WASHC2A: variants seen among roughly 807,000 people sequenced by gnomAD.
WASHC2A encodes the protein WASH complex subunit FAM21A.
WASHC2A carries 82 observed loss-of-function variants against 140.3 expected under a neutral mutation model. The observed-to-expected ratio is 0.58, with a 90% CI of 0.49 to 0.70. The LOEUF (loss-of-function observed/expected upper bound fraction) is 0.70. Among genes scored for constraint, WASHC2A ranks in the 30% least tolerant of loss-of-function variants. WASHC2A has a pLI of 0.00. For synonymous variants in WASHC2A, 340 were observed against 560.8 expected, an observed-to-expected ratio of 0.61 and a Z score of 5.56; for missense variants, 985 against 1,521.8, an observed-to-expected ratio of 0.65 and a Z score of 5.87.
intron 17 of WASHC2A, among the ~76,000 whole-genome samples, chr10:50,102,909 T>C (rs1459597128): frequency 1.1e-3 from 172 of 151,794 alleles, no homozygotes; most frequent in African/African-American, 3.9e-3. Context: ...TCTTTTTGCC[T>C]AGGCTGGAGT....
chr10:50,125,339 G>T (rs1348037258), intron 24 of WASHC2A, 30 bp from the exon 25 acceptor site: 6 of 1,598,854 alleles, frequency 3.8e-6, no homozygotes, highest in Non-Finnish European at 4.3e-6. Context: ...TTTGCTTTTG[G>T]ATATTGAACT....
In WASHC2A at chr10:50,110,221, C is replaced by T. The variant is rs1431284886; in HGVS notation, c.1990C>T (p.Leu664Phe). Residue 664 changes from leucine to phenylalanine, a missense_variant, in exon 20 of 31, where the codon CTC (leucine) becomes TTC (phenylalanine). Transcript: ENST00000282633. ...QEAKAVKKTS[L>F]FEEDEEDDLF... ...GGCCAAGGCTGTGAAAAAGACCAGT[C>T]TCTTTGAGGAAGACGAAGAAGATGA... 1.5e-5 allele frequency: 24 copies of T among 1,611,752 alleles called. No homozygotes were observed. Among genetic ancestry groups the T allele is most frequent in the African/African-American group, 1.3e-5 (1 of 74,802 alleles).
At chr10:50,121,894 G>T (rs1554893550) in intron 23 of WASHC2A, among the ~76,000 whole-genome samples, 2 of 146,504 alleles carry the variant, frequency 1.4e-5, no homozygotes, top group African/African-American at 2.7e-5. Flanking sequence ...CGTGTTTATG[G>T]ACCAGAAACC....
intron 20 of WASHC2A, chr10:50,112,090 C>T (rs1295923586): frequency 2.6e-5 from 26 of 985,054 alleles, no homozygotes; most frequent in Admixed American, 6.2e-5. Context: ...GAGTCGAGGG[C>T]GGTCATGGCT....
chr10:50,075,367 T>G (rs1838223879), intron 3 of WASHC2A, among the ~76,000 whole-genome samples: 1 of 151,328 alleles, frequency 6.6e-6, no homozygotes, highest in Admixed American at 6.6e-5. Flanking sequence ...TCCTTAACTC[T>G]AATCATTTTG....
chr10:50,094,348 A>G (rs377336453), intron 13 of WASHC2A, among the ~76,000 whole-genome samples: 10,144 of 143,732 alleles, frequency 0.071, 491 homozygotes, highest in African/African-American at 0.19. Flanking sequence ...TTTAGTAGAG[A>G]CAGGGTTTCA....
chr10:50,100,114 T>G, intron 17 of WASHC2A, 50 bp downstream of exon 17: 1 of 1,461,956 alleles, frequency 6.8e-7, no homozygotes, highest in East Asian at 2.3e-5. Context: ...GGATATGACA[T>G]AGAAACTATT....
rs1277275167 is a variant in WASHC2A at position 50,121,129 on chromosome 10, G to C, written c.2478+1360G>C. 2.3e-4 allele frequency among the ~76,000 whole-genome samples: 34 copies of C among 149,856 alleles called. 3 individuals are homozygous for C. Among genetic ancestry groups the C allele is most frequent in the African/African-American group, 8.7e-4 (34 of 39,302 alleles). On this transcript the variant is annotated intron_variant, in intron 23 of 30. Transcript: ENST00000282633. ...GGTAATTCTAATCAACCTTGTACTG[G>C]GGATTCTAAGCAGGCCATGTAGGTG...
rs1220695557 is a variant in WASHC2A at position 50,078,350 on chromosome 10, A to G, written c.292-325A>G. Among the ~76,000 whole-genome samples, 477 of 152,336 alleles carry G rather than the reference A, an allele frequency of 3.1e-3. 7 individuals carry two copies. Among genetic ancestry groups the G allele is most frequent in the Non-Finnish European group, 2.4e-3 (165 of 68,034 alleles). On this transcript the variant is annotated intron_variant, in intron 3 of 30. Transcript: ENST00000282633. ...CAGAATACTGTATCATTGCCCATCA[A>G]CATTATTAGGTTAAATGAAAAGGTG...
chr10:50,068,120 C>G lies in WASHC2A; in HGVS notation c.19C>G (p.Pro7Ala), dbSNP rs781842191. 13 of 1,606,092 alleles carry G rather than the reference C, an allele frequency of 8.1e-6. No homozygotes were observed. The East Asian group carries it at 2.7e-4, about 33-fold the overall frequency. The change falls in exon 2 of 31, where the codon CCC (proline) becomes GCC (alanine). Residue 7 changes from proline (P) to alanine (A), a missense_variant. Transcript: ENST00000282633. MMNRTT[P>A]DQELAPASEP... ...TTCGCTGCAGATGAACCGGACGACCCCCGACCAGGAGCTGGCGCCAGCGTC... is the reference window on the plus strand; with the variant it reads ...TTCGCTGCAGATGAACCGGACGACCGCCGACCAGGAGCTGGCGCCAGCGTC...
chr10:50,124,551 G>A lies in WASHC2A; in HGVS notation c.2479-562G>A, dbSNP rs180969051. ...CTAGTAAACAAAAAGGGACTCACTC[G>A]GAGTCTGAAAGTAGGGCAGAAGTGA... On this transcript the variant is annotated intron_variant, in intron 23 of 30. Transcript: ENST00000282633. Among the ~76,000 whole-genome samples the A allele has an allele frequency of 4.3e-3, 648 of 152,302 alleles. 4 individuals are homozygous for A. The highest frequency in any genetic ancestry group is 0.014 in the African/African-American group (572 of 41,562).
At chr10:50,092,022 AGTGCTCTG>A (rs1373643841) in intron 10 of WASHC2A, 132 bp from the exon 11 acceptor site, 1 of 1,587,610 alleles carries the variant, frequency 6.3e-7, no homozygotes, top group Admixed American at 1.8e-5. Context: ...CAGGGGGTTC[AGTGCTCTG>A]GTGCAGCTGA....
At position 50,075,108 on chromosome 10, in the gene WASHC2A, A is replaced by G. The variant is rs1838194059; in HGVS notation, c.292-3567A>G. 4.6e-5 allele frequency among the ~76,000 whole-genome samples: 7 copies of G among 151,806 alleles called. No individual in the cohort carries two copies. In the South Asian group the frequency reaches 1.5e-3, roughly 32 times the overall value. ...CAGCCTACTTTTTTTCTTAATGTGA[A>G]CTTATTTAACCCATCTTTGAGACTT... is the stretch of plus-strand genomic sequence containing the variant. On this transcript the variant is annotated intron_variant, in intron 3 of 30. Transcript: ENST00000282633.
intron 3 of WASHC2A, 129 bp from the exon 4 acceptor site, chr10:50,078,546 T>C: frequency 1.9e-6 from 3 of 1,597,400 alleles, no homozygotes; most frequent in South Asian, 2.2e-5. Flanking sequence ...CTGGTAGTGG[T>C]CTCAGCCCTT....
At chr10:50,074,776 C>T (rs1394980631) in intron 3 of WASHC2A, among the ~76,000 whole-genome samples, 3 of 152,016 alleles carry the variant, frequency 2.0e-5, no homozygotes, top group Admixed American at 1.3e-4. Flanking sequence ...ATTAGCCAGG[C>T]GTGGTGGCAG....
At chr10:50,108,944 A>G (rs1320234145) in intron 19 of WASHC2A, among the ~76,000 whole-genome samples, 10 of 150,652 alleles carry the variant, frequency 6.6e-5, no homozygotes, top group African/African-American at 2.4e-4. Flanking sequence ...AGTGGATCCC[A>G]GCTCCAGAGA....
At position 50,129,528 on chromosome 10, in the gene WASHC2A, T is replaced by C. The variant is rs762476182; in HGVS notation, c.3197T>C (p.Ile1066Thr). The C allele has an allele frequency of 1.1e-5, 17 of 1,611,836 alleles. No homozygotes were observed. The African/African-American group carries it at 1.9e-4, about 18-fold the overall frequency. The change falls in exon 29 of 31, where the codon ATT becomes ACT. Residue 1066 changes from isoleucine to threonine, a missense_variant. Ile to Thr is a moderately conservative substitution (Grantham distance 89). Coordinates refer to ENST00000282633, the MANE Select transcript of WASHC2A (RefSeq NM_001005751.3). ...GACATGAGCGTCCCCAGAGGACCCA[T>C]TGCACAGTGGGCTGATGGCGCCATT... Reference protein sequence around the residue: ...TEDMSVPRGPIAQWADGAISP... With the variant: ...TEDMSVPRGPTAQWADGAISP...
chr10:50,132,654 C>G, intron 30 of WASHC2A, 152 bp from the exon 31 acceptor site: 5 of 1,255,676 alleles, frequency 4.0e-6, no homozygotes, highest in Non-Finnish European at 5.7e-6. Context: ...AAACACAGAA[C>G]CAGAATCTAA....
Position 50,083,077 on chromosome 10 carries a change from C to A in WASHC2A, c.529-995C>A, listed in dbSNP as rs1839053867. Among the ~76,000 whole-genome samples, 8 of 114,664 alleles carry A rather than the reference C, an allele frequency of 7.0e-5. 3 individuals carry two copies. In the South Asian group the frequency reaches 2.4e-3, roughly 35 times the overall value. 75.2% of individuals were successfully genotyped at this position (114,664 alleles called of 152,430 possible). A position where few individuals can be genotyped will look rare whatever the true frequency, so the allele number is the denominator to read the frequency against. ...GGAGTGATGTGATGTTGGCTCACTG[C>A]AACCTCCACCTCCTGGGTTCAAGAG... On this transcript the variant is annotated intron_variant, in intron 5 of 30. Coordinates refer to ENST00000282633, the MANE Select transcript of WASHC2A (RefSeq NM_001005751.3).
Sources: allele counts gnomAD v4.1 joint callset (sites outside exome capture counted in the v4.1 genomes callset), GRCh38; gene constraint gnomAD v4.1.1; transcripts MANE v1.5; gene names NCBI Gene and HGNC (gene_info 2026-07-23, HGNC 2026-07-21).